The following TCTN2 variants were observed in gnomAD, a reference collection of about 807,000 sequenced individuals.
TCTN2 encodes the protein tectonic-2.
TCTN2 carries 66 observed loss-of-function variants against 83.4 expected under a neutral mutation model. That is an observed-to-expected ratio of 0.79 (90% CI 0.65 to 0.97). The LOEUF is 0.97. Among genes scored for constraint, TCTN2 ranks in the 50% least tolerant of loss-of-function variants. TCTN2 has a pLI of 0.00. For missense variants in TCTN2, 794 were observed against 858.1 expected, an observed-to-expected ratio of 0.93 and a Z score of 0.93; for synonymous variants, 301 against 326.7, an observed-to-expected ratio of 0.92 and a Z score of 0.85.
intron 17 of TCTN2, 21 bp downstream of exon 17, chr12:123,707,094 A>G: frequency 6.2e-7 from 1 of 1,603,834 alleles, no homozygotes; most frequent in Non-Finnish European, 8.5e-7. Flanking sequence ...ACAGATTTCT[A>G]TGACCAATTA....
intron 4 of TCTN2, among the ~76,000 whole-genome samples, chr12:123,677,304 G>T (rs1200558418): frequency 6.6e-6 from 1 of 152,220 alleles, no homozygotes; most frequent in Admixed American, 6.5e-5. Context: ...TACCATTGAT[G>T]TATCATTGAC....
At chr12:123,705,473 T>C (rs780977699) in intron 15 of TCTN2, among the ~76,000 whole-genome samples, 2 of 151,774 alleles carry the variant, frequency 1.3e-5, no homozygotes, top group Admixed American at 6.6e-5. Context: ...CCTCCATCGG[T>C]TTTAAGTGAC....
At chr12:123,698,472 C>T (rs1956136224) in intron 13 of TCTN2, among the ~76,000 whole-genome samples, 1 of 151,950 alleles carries the variant, frequency 6.6e-6, no homozygotes, top group African/African-American at 2.4e-5. Flanking sequence ...AGGTCTCACT[C>T]CATCACCCAG....
intron 15 of TCTN2, among the ~76,000 whole-genome samples, chr12:123,705,759 CTT>C (rs35532522): frequency 3.1e-4 from 44 of 140,814 alleles, no homozygotes; most frequent in Non-Finnish European, 3.5e-4. Context: ...TTCTTTCTTT[CTT>C]TTTTTTTTTT....
At chr12:123,696,672 A>G in intron 12 of TCTN2, 177 bp downstream of exon 12, 2 of 666,700 alleles carry the variant, frequency 3.0e-6, no homozygotes, top group Non-Finnish European at 2.7e-6. Context: ...ACAGCTTTTT[A>G]AAAAGGAATG....
rs7301907 is a variant in TCTN2, at chr12:123,687,795, T to C, written c.765-256T>C. ...CTGGGTACGTGGTGAAACCCCATCTTTACTAAAAATACAAAAAATTAGCCA... is the reference window on the plus strand; with the variant it reads ...CTGGGTACGTGGTGAAACCCCATCTCTACTAAAAATACAAAAAATTAGCCA... On this transcript the variant is annotated intron_variant, in intron 6 of 17. Transcript: ENST00000303372. Among the ~76,000 whole-genome samples the C allele has an allele frequency of 0.5, 75,653 of 151,530 alleles. 20,613 individuals carry two copies. Among genetic ancestry groups the C allele is most frequent in the African/African-American group, 0.72 (29,807 of 41,324 alleles).
rs146190098 is a variant in TCTN2 at position 123,688,358 on chromosome 12, G to T, written c.891+181G>T. On this transcript the variant is annotated intron_variant, in intron 7 of 17. Transcript: ENST00000303372. ...AGCCTCCCCAGTAGCTGGGACTACAGGTGTGTGCCACCGCACCCAGCCAAT... is the reference window on the plus strand; with the variant it reads ...AGCCTCCCCAGTAGCTGGGACTACATGTGTGTGCCACCGCACCCAGCCAAT... Among the ~76,000 whole-genome samples, 306 of 151,894 alleles carry T rather than the reference G, an allele frequency of 2.0e-3. 1 individual carries two copies. Among genetic ancestry groups the T allele is most frequent in the African/African-American group, 6.7e-3 (279 of 41,406 alleles).
At chr12:123,676,217 C>T (rs35158437) in intron 4 of TCTN2, among the ~76,000 whole-genome samples, 64,729 of 151,682 alleles carry the variant, frequency 0.43, 14,957 homozygotes, top group African/African-American at 0.59. Flanking sequence ...GAGGTGGAGG[C>T]TGCAGTGAGC....
In TCTN2 at chr12:123,679,126, A is replaced by T. The variant is rs923834834; in HGVS notation, c.464-63A>T. 265 of 1,447,272 alleles carry T rather than the reference A, an allele frequency of 1.8e-4. 1 individual carries two copies. The highest frequency in any genetic ancestry group is 2.5e-4 in the Non-Finnish European group (261 of 1,029,174). 89.7% of individuals were successfully genotyped at this position (1,447,272 alleles called of 1,614,324 possible). ...ATTCAGCTTTCTTTTGAATGTCAAA[A>T]ATGTGACTGTGCTTTGTCGGAATGT... On this transcript the variant is annotated intron_variant, in intron 4 of 17. Transcript: ENST00000303372.
chr12:123,699,107 A>G (rs1018275781), intron 13 of TCTN2, among the ~76,000 whole-genome samples: 13 of 151,958 alleles, frequency 8.6e-5, no homozygotes, highest in African/African-American at 3.1e-4. Flanking sequence ...GTTTGGTGAC[A>G]GTCGGCAGAG....
At chr12:123,701,027 T>C (rs1485043922) in intron 14 of TCTN2, among the ~76,000 whole-genome samples, 1 of 152,228 alleles carries the variant, frequency 6.6e-6, no homozygotes, top group Non-Finnish European at 1.5e-5. Flanking sequence ...CACTTCAGTT[T>C]GCATTGCTGT....
In TCTN2 at chr12:123,695,224, A is replaced by C. The variant is rs1454575816; in HGVS notation, c.1239A>C (p.Ile413=). The change falls in exon 11 of 18, where the codon ATA becomes ATC. Residue 413 remains isoleucine, a synonymous_variant. Coordinates refer to ENST00000303372, the MANE Select transcript of TCTN2 (RefSeq NM_024809.5). The part of the protein sequence containing the change: ...RAEINAHQKG[I]MTQRFVVKFL... ...TTTATTTTGTTTTATTTCTAGGGAT[A>C]ATGACACAGAGATTTGTAGTAAAAT... 1 of 1,555,826 alleles carries C rather than the reference A, an allele frequency of 6.4e-7. No homozygotes were observed. The highest frequency in any genetic ancestry group is 8.9e-7 in the Non-Finnish European group (1 of 1,127,284).
Position 123,696,441 on chromosome 12 carries a change from G to A in TCTN2, c.1339G>A (p.Ala447Thr). 6.2e-7 allele frequency: 1 copy of A among 1,614,152 alleles called. No individual in the cohort carries two copies. Among genetic ancestry groups the A allele is most frequent in the South Asian group, 1.1e-5 (1 of 91,086 alleles). ...TTACCAACTTGGCAAGCCTGTCCGA[G>A]CTCTAAATATCAACAGGATGAATAA... ...PGYQLGKPVR[A>T]LNINRMNNVT... is the part of the protein sequence containing the mutation. Residue 447 changes from alanine (A) to threonine (T), a missense_variant, in exon 12 of 18, where the codon GCT becomes ACT. Coordinates refer to ENST00000303372, the MANE Select transcript of TCTN2 (RefSeq NM_024809.5).
chr12:123,691,629 T>A lies in TCTN2; in HGVS notation c.1033+955T>A, dbSNP rs147671185. ...GAACACTCGTGTCCAAGTTTTTGCG[T>A]AGATGTGTGTTTTTATTTCTTTTGG... On this transcript the variant is annotated intron_variant, in intron 8 of 17. Coordinates refer to ENST00000303372, the MANE Select transcript of TCTN2 (RefSeq NM_024809.5). Among the ~76,000 whole-genome samples, 164 of 152,306 alleles carry A rather than the reference T, an allele frequency of 1.1e-3. 3 individuals are homozygous for A. In the East Asian group the frequency reaches 0.03, roughly 27 times the overall value.
intron 7 of TCTN2, 36 bp downstream of exon 7, chr12:123,688,213 CTTTTTTT>C: frequency 3.0e-6 from 4 of 1,349,400 alleles, no homozygotes; most frequent in Non-Finnish European, 3.0e-6. Context: ...AGACCGTTCT[CTTTTTTT>C]TTTTTTTTTT....
chr12:123,706,660 C>T, intron 15 of TCTN2, 66 bp from the exon 16 acceptor site: 1 of 1,611,868 alleles, frequency 6.2e-7, no homozygotes, highest in Non-Finnish European at 8.5e-7. Flanking sequence ...GCATCCGTTA[C>T]CTGCTGTTCT....
chr12:123,706,474 T>C (rs1336306612), intron 15 of TCTN2, among the ~76,000 whole-genome samples: 3 of 152,218 alleles, frequency 2.0e-5, no homozygotes, highest in African/African-American at 2.4e-5. Context: ...GGAGTGAGAC[T>C]GACAACAAGA....
At position 123,686,992 on chromosome 12, in the gene TCTN2, CT is replaced by C; in HGVS notation, c.723del (p.Ala242ProfsTer45). The stretch of plus-strand genomic sequence containing the variant: ...TCCCTTTCTGTGTGTGCAGTCCCCC[CT>C]TGCCAACACACCCTTCCTTGGTTAC... ...WFPFLCVQSP[L>X]ANTPFLGYFY... is the part of the protein sequence containing the mutation. On this transcript the variant is annotated frameshift_variant, in exon 6 of 18. Coordinates refer to ENST00000303372, the MANE Select transcript of TCTN2 (RefSeq NM_024809.5). LOFTEE classifies it high-confidence loss of function. 1.2e-6 allele frequency: 2 copies of C among 1,614,158 alleles called. No individual in the cohort carries two copies. The highest frequency in any genetic ancestry group is 2.2e-5 in the South Asian group (2 of 91,084).
intron 5 of TCTN2, among the ~76,000 whole-genome samples, chr12:123,680,224 C>T (rs1308002804): frequency 6.0e-5 from 9 of 151,170 alleles, no homozygotes; most frequent in South Asian, 4.2e-4. Context: ...TGTTGGTGGG[C>T]GCCTGTAATC....
Sources: gnomAD v4.1 joint callset for allele counts (sites outside exome capture counted in the v4.1 genomes callset) on GRCh38, gnomAD v4.1.1 for gene constraint, MANE v1.5 for transcripts, NCBI Gene and HGNC (gene_info 2026-07-23, HGNC 2026-07-21) for gene names.